Variants in MCCC1 observed in about 807,000 individuals in gnomAD.
MCCC1 encodes methylcrotonyl-CoA carboxylase subunit 1.
In MCCC1, 64 loss-of-function variants were observed where a neutral mutation model predicts 83.8. The observed-to-expected ratio is 0.76, with a 90% CI of 0.62 to 0.94. The LOEUF (loss-of-function observed/expected upper bound fraction) is 0.94, where lower values mean the gene tolerates loss of function less well. Among genes scored for constraint, MCCC1 ranks in the 40% least tolerant of loss-of-function variants. MCCC1 has a pLI of 0.00. For missense variants in MCCC1, 807 were observed against 904.7 expected (o/e 0.89, Z 1.39); for synonymous variants, 322 against 315.4 (o/e 1.02, Z -0.22).
intron 1 of MCCC1, chr3:183,099,117 G>C: frequency 1.7e-6 from 1 of 598,296 alleles, no homozygotes. Context: ...AAAAACAGAA[G>C]CCAAAGGCGC....
At chr3:183,066,448 G>A (rs903502035) in intron 7 of MCCC1, among the ~76,000 whole-genome samples, 1 of 152,086 alleles carries the variant, frequency 6.6e-6, no homozygotes, top group Non-Finnish European at 1.5e-5. Context: ...GGGATTACAG[G>A]TGCATGCCAC....
chr3:183,106,081 T>TAAAAAAAAAAAAAAAAAAAAAAA (rs563718218), intron 1 of MCCC1, among the ~76,000 whole-genome samples: 3 of 101,054 alleles, frequency 3.0e-5, no homozygotes, highest in Admixed American at 1.1e-4. Context: ...AGAGAGTCCG[T>TAAAAAAAAAAAAAAAAAAAAAAA]AAAAAAAAAA....
upstream of MCCC1, among the ~76,000 whole-genome samples, chr3:183,102,736 G>A (rs1392201839): frequency 3.1e-5 from 4 of 128,750 alleles, no homozygotes; most frequent in African/African-American, 1.1e-4. Context: ...AAGACATTAT[G>A]GGAGGTCTTA....
At chr3:183,033,239 AT>A (rs1167034262) in intron 14 of MCCC1, among the ~76,000 whole-genome samples, 1 of 152,250 alleles carries the variant, frequency 6.6e-6, no homozygotes, top group Admixed American at 6.5e-5. Flanking sequence ...GTTAAAGAAA[AT>A]CAGTCACTAA....
At chr3:183,102,125 G>A (rs1294667788), upstream of MCCC1, among the ~76,000 whole-genome samples, 31 of 151,936 alleles carry the variant, frequency 2.0e-4, no homozygotes, top group Non-Finnish European at 1.5e-5. Context: ...TTGGGAGGCT[G>A]AGGTGGGCCT....
chr3:183,030,741 GA>G (rs35938218), intron 14 of MCCC1, among the ~76,000 whole-genome samples: 33,575 of 151,916 alleles, frequency 0.22, 4,317 homozygotes, highest in East Asian at 0.58. Flanking sequence ...TTCCTTAACA[GA>G]AAAAAAGCAG....
rs1199682744 is a variant in MCCC1, at chr3:183,052,178, A to C, written c.936T>G (p.Ala312=). The stretch of plus-strand genomic sequence containing the variant: ...ACCTACCTGCTCCAACATAATTTAC[A>C]GCTTTAGCAGCTCTGACTGCAGCTT... ...LGEAAVRAAK[A]VNYVGAGTVE... Residue 312 remains alanine, a synonymous_variant, in exon 9 of 19, where the codon GCT becomes GCG. Transcript: ENST00000265594. The C allele has an allele frequency of 6.2e-7, 1 of 1,614,110 alleles. No individual in the cohort carries two copies. Among genetic ancestry groups the C allele is most frequent in the Non-Finnish European group, 8.5e-7 (1 of 1,179,996 alleles).
chr3:183,099,247 C>G, intron 1 of MCCC1, 105 bp downstream of exon 1: 1 of 1,348,198 alleles, frequency 7.4e-7, no homozygotes, highest in Non-Finnish European at 1.0e-6. Context: ...TCCTACCGTC[C>G]TCCCCACACC....
chr3:183,078,773 C>A (rs557868542), intron 4 of MCCC1, among the ~76,000 whole-genome samples: 9 of 152,164 alleles, frequency 5.9e-5, no homozygotes, highest in Non-Finnish European at 1.2e-4. Flanking sequence ...TGTTTTCACA[C>A]TGCTGATAAA....
At chr3:183,097,638 T>G (rs1718837156) in intron 1 of MCCC1, among the ~76,000 whole-genome samples, 1 of 152,092 alleles carries the variant, frequency 6.6e-6, no homozygotes, top group African/African-American at 2.4e-5. Flanking sequence ...CAAGCAATCC[T>G]CCCACCTTGG....
rs1389725187 is a variant in MCCC1, at chr3:183,052,200, G to A, written c.914C>T (p.Ala305Val). Residue 305 changes from alanine (A) to valine (V), a missense_variant, in exon 9 of 19, where the codon GCT (alanine) becomes GTT (valine). Coordinates refer to ENST00000265594, the MANE Select transcript of MCCC1 (RefSeq NM_020166.5). ...TACAGCTTTAGCAGCTCTGACTGCA[G>A]CTTCTCCCAGCTTTTTTCTTACTTC... Reference protein sequence around the residue: ...KSEVRKKLGEAAVRAAKAVNY... With the variant: ...KSEVRKKLGEVAVRAAKAVNY... 1 of 1,614,066 alleles carries A rather than the reference G, an allele frequency of 6.2e-7. No individual in the cohort carries two copies. Among genetic ancestry groups the A allele is most frequent in the Admixed American group, 1.7e-5 (1 of 60,032 alleles).
At chr3:183,077,063 A>T (rs1398469563) in intron 4 of MCCC1, among the ~76,000 whole-genome samples, 1 of 152,232 alleles carries the variant, frequency 6.6e-6, no homozygotes, top group African/African-American at 2.4e-5. Flanking sequence ...AACACAAATC[A>T]GTACTTCATT....
At chr3:183,116,180 T>C, upstream of MCCC1, 1 of 172,534 alleles carries the variant, frequency 5.8e-6, no homozygotes, top group Non-Finnish European at 1.3e-5. Flanking sequence ...CCTGCGGCTC[T>C]CCTGCTCATG....
At chr3:183,114,351 G>A (rs1560298148) in intron 1 of MCCC1, among the ~76,000 whole-genome samples, 4 of 151,762 alleles carry the variant, frequency 2.6e-5, no homozygotes, top group African/African-American at 7.3e-5. Flanking sequence ...CTTTCTTGGG[G>A]CCAAATTTTG....
intron 4 of MCCC1, among the ~76,000 whole-genome samples, chr3:183,076,462 A>G (rs1717082828): frequency 6.6e-6 from 1 of 152,220 alleles, no homozygotes; most frequent in African/African-American, 2.4e-5. Context: ...TATTATGAAT[A>G]ACGGTGTTAT....
At position 183,057,325 on chromosome 3, in the gene MCCC1, C is replaced by G; in HGVS notation, c.859G>C (p.Glu287Gln). The change falls in exon 8 of 19, where the codon GAG (glutamate) becomes CAG (glutamine). Residue 287 changes from glutamate to glutamine, a missense_variant. Transcript: ENST00000265594. ...AAGGTCCTTACCGCTGGGGCCTCCT[C>G]AATGATCTTCTGATGTCGCCTCTGC... ...SVQRRHQKII[E>Q]EAPAPGIKSE... 1 of 1,606,320 alleles carries G rather than the reference C, an allele frequency of 6.2e-7. No individual in the cohort carries two copies. Among genetic ancestry groups the G allele is most frequent in the Non-Finnish European group, 8.5e-7 (1 of 1,175,420 alleles).
At chr3:183,096,561 G>A (rs1224618559) in intron 1 of MCCC1, among the ~76,000 whole-genome samples, 2 of 152,158 alleles carry the variant, frequency 1.3e-5, no homozygotes, top group African/African-American at 4.8e-5. Flanking sequence ...CTATGTAGTT[G>A]AGCAGGACTA....
chr3:183,017,563 A>G (rs1486183020), intron 17 of MCCC1: 2 of 541,992 alleles, frequency 3.7e-6, no homozygotes, highest in Non-Finnish European at 3.3e-6. Flanking sequence ...AGTAGAGCCC[A>G]TGTGGTTGTG....
rs57408690 is a variant in MCCC1 at position 183,085,630 on chromosome 3, TAAAA to T, written c.369+1059_369+1062del. ...GGCAACAGAGCAAAGACCCTGTCTT[TAAAA>T]AAAAAAAAAAAAAAAAAAAAGAATG... On this transcript the variant is annotated intron_variant, in intron 4 of 18. Coordinates refer to ENST00000265594, the MANE Select transcript of MCCC1 (RefSeq NM_020166.5). 2.6e-4 allele frequency among the ~76,000 whole-genome samples: 27 copies of T among 103,258 alleles called. 1 individual carries two copies. The East Asian group carries it at 2.9e-3, about 11-fold the overall frequency. The allele number at this position is 103,258 out of a possible 152,430, so 67.7% of individuals were successfully genotyped here. A position where few individuals can be genotyped will look rare whatever the true frequency, so the allele number is the denominator to read the frequency against.
Sources: gnomAD v4.1 joint callset for allele counts (sites outside exome capture counted in the v4.1 genomes callset) on GRCh38, gnomAD v4.1.1 for gene constraint, MANE v1.5 for transcripts, NCBI Gene and HGNC (gene_info 2026-07-23, HGNC 2026-07-21) for gene names.